Variants in TENM2 observed in about 807,000 individuals in gnomAD.
TENM2 encodes teneurin transmembrane protein 2.
TENM2 carries 52 observed loss-of-function variants against 245.2 expected under a neutral mutation model. The ratio of observed to expected loss-of-function variants is 0.21; its 90% CI spans 0.17 to 0.27. The LOEUF (loss-of-function observed/expected upper bound fraction) is 0.27, where lower values mean the gene tolerates loss of function less well. Among genes scored for constraint, TENM2 ranks in the 10% least tolerant of loss-of-function variants. The pLI is 1.00. For missense variants in TENM2, 3,046 were observed against 3,666.8 expected (o/e 0.83, Z 4.37); for synonymous variants, 1,363 against 1,438.9 (o/e 0.95, Z 1.19).
the TENM2 span, chr5:167,116,711 T>G: frequency 2.7e-5 from 4 of 149,966 alleles, no homozygotes; most frequent in Non-Finnish European, 5.9e-5. Flanking sequence ...AAAAAAAAAG[T>G]GCTTTGGGAA....
chr5:167,394,030 C>T (rs62388804), intron 2 of TENM2, among the ~76,000 whole-genome samples: 49,418 of 151,980 alleles, frequency 0.33, 8,369 homozygotes, highest in African/African-American at 0.43. Context: ...GATATTAACT[C>T]CTTAACTCAT....
intron 1 of TENM2, among the ~76,000 whole-genome samples, chr5:167,336,080 C>T (rs1757735007): frequency 6.6e-6 from 1 of 151,988 alleles, no homozygotes; most frequent in African/African-American, 2.4e-5. Flanking sequence ...CTATACAGTG[C>T]TGCCTCCCTT....
intron 3 of TENM2, among the ~76,000 whole-genome samples, chr5:167,882,762 C>T (rs888121310): frequency 6.6e-6 from 1 of 152,168 alleles, no homozygotes; most frequent in Non-Finnish European, 1.5e-5. Flanking sequence ...TTACCTCCAC[C>T]TAGTACCACC....
At chr5:166,993,524 G>A in the TENM2 span, among the ~76,000 whole-genome samples, 9 of 152,100 alleles carry the variant, frequency 5.9e-5, no homozygotes, top group African/African-American at 1.9e-4. Context: ...CAGATGCTGC[G>A]GTTGGAAGAC....
intron 3 of TENM2, among the ~76,000 whole-genome samples, chr5:167,950,290 A>G (rs1374937034): frequency 2.0e-5 from 3 of 152,222 alleles, no homozygotes; most frequent in African/African-American, 7.2e-5. Context: ...AATTCTGCCC[A>G]CGCATAACAC....
intron 5 of TENM2, among the ~76,000 whole-genome samples, chr5:168,003,988 A>G (rs757799169): frequency 6.6e-6 from 1 of 152,116 alleles, no homozygotes; most frequent in Non-Finnish European, 1.5e-5. Flanking sequence ...TTCAGCTACA[A>G]CCCTTGCTAC....
intron 5 of TENM2, among the ~76,000 whole-genome samples, chr5:167,994,168 G>A (rs115192972): frequency 0.013 from 1,918 of 152,352 alleles, 38 homozygotes; most frequent in African/African-American, 0.044. Flanking sequence ...CTTGGTTTCA[G>A]GGCAGCTATG....
intron 2 of TENM2, among the ~76,000 whole-genome samples, chr5:167,786,460 T>C (rs930164825): frequency 1.3e-5 from 2 of 152,232 alleles, no homozygotes; most frequent in African/African-American, 2.4e-5. Flanking sequence ...CATATGTACC[T>C]GTTTAAAAAC....
At chr5:167,307,655 G>GTAT (rs1477914077) in intron 1 of TENM2, among the ~76,000 whole-genome samples, 1 of 152,166 alleles carries the variant, frequency 6.6e-6, no homozygotes, top group East Asian at 1.9e-4. Context: ...GCCCAGTTCA[G>GTAT]TATTCATTCA....
At chr5:167,232,426 G>A in the TENM2 span, among the ~76,000 whole-genome samples, 39 of 151,642 alleles carry the variant, frequency 2.6e-4, no homozygotes, top group African/African-American at 9.2e-4. Flanking sequence ...AGGCTAGAGT[G>A]CAGTGGTGTG....
intron 5 of TENM2, among the ~76,000 whole-genome samples, chr5:168,003,602 C>A (rs1485285291): frequency 6.6e-6 from 1 of 152,146 alleles, no homozygotes; most frequent in Non-Finnish European, 1.5e-5. Flanking sequence ...ATCTTCTGCA[C>A]AATTTCTTGA....
intron 2 of TENM2, among the ~76,000 whole-genome samples, chr5:167,872,561 AGAAAGAAAGAAAG>A (rs1561881841): frequency 1.5e-4 from 8 of 54,348 alleles, no homozygotes; most frequent in Non-Finnish European, 3.8e-4. Context: ...AAAGAAAGAA[AGAAAGAAAGAAAG>A]AAAGAAAGAG....
intron 1 of TENM2, chr5:167,306,338 C>CGAGA (rs1755676157): frequency 6.6e-6 from 1 of 152,230 alleles, no homozygotes; most frequent in Non-Finnish European, 1.5e-5. Context: ...ATGGTCTTCT[C>CGAGA]TAGCTTCTAT....
intron 2 of TENM2, among the ~76,000 whole-genome samples, chr5:167,453,093 A>G (rs1765711129): frequency 6.6e-6 from 1 of 151,348 alleles, no homozygotes; most frequent in African/African-American, 2.4e-5. Flanking sequence ...GAGAGAGCAC[A>G]AGAAAAGTGG....
At chr5:167,691,533 G>A (rs1429324417) in intron 2 of TENM2, among the ~76,000 whole-genome samples, 2 of 152,300 alleles carry the variant, frequency 1.3e-5, no homozygotes, top group East Asian at 3.9e-4. Context: ...TGAAGATGGA[G>A]TTTTCCCTTA....
chr5:167,251,687 C>T, the TENM2 span, among the ~76,000 whole-genome samples: 19 of 152,248 alleles, frequency 1.2e-4, no homozygotes, highest in Non-Finnish European at 2.1e-4. Context: ...AGACATCCTA[C>T]GAACCTTCTG....
chr5:167,676,330 C>T (rs1258234043), intron 2 of TENM2, among the ~76,000 whole-genome samples: 2 of 151,964 alleles, frequency 1.3e-5, no homozygotes, highest in Admixed American at 6.6e-5. Flanking sequence ...CTTCTTCATC[C>T]ATCGCTAAAC....
In TENM2 at chr5:168,173,991, A is replaced by G. The variant is rs6882544; in HGVS notation, c.2569+11234A>G. 6.8e-3 allele frequency among the ~76,000 whole-genome samples: 1,029 copies of G among 152,318 alleles called. 14 individuals carry two copies. Among genetic ancestry groups the G allele is most frequent in the African/African-American group, 0.024 (995 of 41,568 alleles). On this transcript the variant is annotated intron_variant, in intron 13 of 28. Coordinates refer to ENST00000518659, the Ensembl canonical transcript of TENM2. ...TGAGAAGCCTGGTACCTTGCAGCCTAGTCCACATGGAGAATGGAGGAGGAT... is the reference window on the plus strand; with the variant it reads ...TGAGAAGCCTGGTACCTTGCAGCCTGGTCCACATGGAGAATGGAGGAGGAT...
chr5:167,914,459 T>A (rs1776775511), intron 3 of TENM2, among the ~76,000 whole-genome samples: 1 of 152,202 alleles, frequency 6.6e-6, no homozygotes, highest in Non-Finnish European at 1.5e-5. Flanking sequence ...CTTTCCCTTA[T>A]AAGAACGCTT....
Sources: gnomAD v4.1 joint callset for allele counts (sites outside exome capture counted in the v4.1 genomes callset) on GRCh38, gnomAD v4.1.1 for gene constraint, MANE v1.5 for transcripts, NCBI Gene and HGNC (gene_info 2026-07-23, HGNC 2026-07-21) for gene names.